Variants in RUBCN observed in about 807,000 individuals in gnomAD.
The protein encoded by RUBCN is rubicon autophagy regulator.
Under a neutral mutation model 113.2 loss-of-function variants are expected in RUBCN, and 74 were observed. The observed-to-expected ratio is 0.65, with a 90% CI of 0.54 to 0.79. The LOEUF is 0.79. Among genes scored for constraint, RUBCN ranks in the 30% least tolerant of loss-of-function variants. The pLI is 0.00. For missense variants in RUBCN, 1,109 were observed against 1,251.7 expected (o/e 0.89, Z 1.72); for synonymous variants, 480 against 490.0 (o/e 0.98, Z 0.27).
rs2108813474 is a variant in RUBCN, at chr3:197,669,423, T to C, written c.*5595A>G. 6.6e-6 allele frequency among the ~76,000 whole-genome samples: 1 copy of C among 152,342 alleles called. No individual in the cohort carries two copies. The highest frequency in any genetic ancestry group is 2.1e-4 in the South Asian group (1 of 4,830). On this transcript the variant is annotated 3_prime_UTR_variant, in exon 20 of 20. Coordinates refer to ENST00000296343, the MANE Select transcript of RUBCN (RefSeq NM_014687.4). ...ATTTTGAGTAGGGTCAAGTGTTTTGTAGAAAGTTCCTCGAATTTTGCTCCT... is the reference window on the plus strand; with the variant it reads ...ATTTTGAGTAGGGTCAAGTGTTTTGCAGAAAGTTCCTCGAATTTTGCTCCT...
At chr3:197,679,908 T>C (rs895822536) in intron 16 of RUBCN, among the ~76,000 whole-genome samples, 2 of 142,610 alleles carry the variant, frequency 1.4e-5, no homozygotes, top group Non-Finnish European at 3.0e-5. Flanking sequence ...GGCTTCAGAC[T>C]GTCCTACGCT....
At chr3:197,725,520 CTTTTTTTTTTT>C (rs10718685) in intron 1 of RUBCN, among the ~76,000 whole-genome samples, 1 of 75,316 alleles carries the variant, frequency 1.3e-5, no homozygotes, top group East Asian at 4.4e-4. Context: ...ACAGGAGAAT[CTTTTTTTTTTT>C]TTTTTTTTTT....
rs1466324937 is a variant in RUBCN, at chr3:197,714,559, ATT to A, written c.219+3416_219+3417del. On this transcript the variant is annotated intron_variant, in intron 2 of 19. Transcript: ENST00000296343. ...GCTGGTCTTGTATTCCTGGCCTCAAATTTCTAGTGATCTTCCTGCCTCAACTT... is the reference window on the plus strand; with the variant it reads ...GCTGGTCTTGTATTCCTGGCCTCAAATCTAGTGATCTTCCTGCCTCAACTT... Among the ~76,000 whole-genome samples, 3 of 152,130 alleles carry A rather than the reference ATT, an allele frequency of 2.0e-5. No homozygotes were observed. In the East Asian group the frequency reaches 5.8e-4, roughly 29 times the overall value.
In RUBCN at chr3:197,675,528, AAC is replaced by A. The variant is rs371279944; in HGVS notation, c.2647-15_2647-14del. The A allele has an allele frequency of 7.4e-4, 1,192 of 1,603,602 alleles. 8 individuals are homozygous for A. The African/African-American group carries it at 0.015, about 20-fold the overall frequency. ...TGGCTTGGCAGAGCTGGGGAGGAAA[AAC>A]ACAGATGGCAAAATGAGGAGCGGCA... On this transcript the variant is annotated splice_polypyrimidine_tract_variant and intron_variant, in intron 18 of 19. Transcript: ENST00000296343. This position sits in a 1 kb window ranked among gnomAD's most constrained non-coding sequence, Gnocchi z 4.4.
intron 1 of RUBCN, among the ~76,000 whole-genome samples, chr3:197,730,885 CTTTTTTTTTTTTTTT>C (rs71166707): frequency 3.4e-4 from 17 of 49,996 alleles, no homozygotes; most frequent in East Asian, 6.6e-4. Flanking sequence ...TTAAAAGCAT[CTTTTTTTTTTTTTTT>C]TTTTTTTTTT....
chr3:197,669,889 T>C lies in RUBCN; in HGVS notation c.*5129A>G, dbSNP rs1176189827. 6.6e-6 allele frequency among the ~76,000 whole-genome samples: 1 copy of C among 152,194 alleles called. No homozygotes were observed. Among genetic ancestry groups the C allele is most frequent in the Non-Finnish European group, 1.5e-5 (1 of 68,028 alleles). On this transcript the variant is annotated 3_prime_UTR_variant, in exon 20 of 20. Coordinates refer to ENST00000296343, the MANE Select transcript of RUBCN (RefSeq NM_014687.4). ...AGACTTTTTCCCCATGTTACTATCA[T>C]AATTTATTTTTTTGTTTGAGACAGA...
At chr3:197,729,284 G>C (rs971511181) in intron 1 of RUBCN, among the ~76,000 whole-genome samples, 10 of 151,824 alleles carry the variant, frequency 6.6e-5, no homozygotes, top group African/African-American at 1.5e-4. Context: ...ACGGAGTCTC[G>C]CTCTGTCGCC....
Position 197,736,726 on chromosome 3 carries a change from C to T in RUBCN, c.-7G>A. 2 of 1,530,140 alleles carry T rather than the reference C, an allele frequency of 1.3e-6. No homozygotes were observed. Among genetic ancestry groups the T allele is most frequent in the East Asian group, 2.5e-5 (1 of 40,510 alleles). 94.8% of individuals were successfully genotyped at this position (1,530,140 alleles called of 1,614,324 possible). A position where few individuals can be genotyped will look rare whatever the true frequency, so the allele number is the denominator to read the frequency against. ...CCGCGCCCTCCGGCCGCATCCGGGG[C>T]GGTGAGGCCGCCTCTTCGCCCAAGA... On this transcript the variant is annotated 5_prime_UTR_variant, in exon 1 of 20. Transcript: ENST00000296343.
At chr3:197,687,753 G>C (rs1722009631) in intron 11 of RUBCN, among the ~76,000 whole-genome samples, 1 of 152,158 alleles carries the variant, frequency 6.6e-6, no homozygotes, top group Admixed American at 6.5e-5. Context: ...AGTACCCTTG[G>C]GTTCTGAGAT....
intron 6 of RUBCN, among the ~76,000 whole-genome samples, chr3:197,701,440 A>G (rs1202733768): frequency 1.3e-5 from 2 of 152,224 alleles, no homozygotes; most frequent in Non-Finnish European, 2.9e-5. Flanking sequence ...ATGATTGGCA[A>G]TCATTCGGTG....
intron 1 of RUBCN, among the ~76,000 whole-genome samples, chr3:197,718,639 TG>T (rs1206616043): frequency 6.6e-6 from 1 of 152,038 alleles, no homozygotes; most frequent in Non-Finnish European, 1.5e-5. Context: ...TTTGTAGAGA[TG>T]GGGTCTCACT....
At chr3:197,693,517 A>G (rs1722665089) in intron 11 of RUBCN, among the ~76,000 whole-genome samples, 198 bp downstream of exon 11, 1 of 152,176 alleles carries the variant, frequency 6.6e-6, no homozygotes, top group African/African-American at 2.4e-5. Flanking sequence ...CACTCCATCC[A>G]CCTGGAACAC....
At position 197,681,290 on chromosome 3, in the gene RUBCN, C is replaced by T. The variant is rs538582364; in HGVS notation, c.2269G>A (p.Ala757Thr). The T allele has an allele frequency of 1.0e-4, 168 of 1,614,192 alleles. 3 individuals are homozygous for T. In the South Asian group the frequency reaches 1.7e-3, roughly 17 times the overall value. ...TTGCGCAGAACCCGGCTGGGGATGG[C>T]CATCTGGGCATTCTCGTGGCAGCAC... ...CQCCHENAQM[A>T]IPSRVLRKWD... is the part of the protein sequence containing the mutation. The change falls in exon 16 of 20, where the codon GCC (alanine) becomes ACC (threonine). Residue 757 changes from alanine to threonine, a missense_variant. Coordinates refer to ENST00000296343, the MANE Select transcript of RUBCN (RefSeq NM_014687.4). The surrounding 1 kb of genome is among the most constrained non-coding windows in gnomAD (Gnocchi z 5.5).
Position 197,718,094 on chromosome 3 carries a change from C to T in RUBCN, c.102G>A (p.Thr34=), listed in dbSNP as rs751332507. Reference sequence around the variant, plus strand: ...TGGTTGATACCAAACCCTCCACCGTCGTCTTCAAATTACCCAGCAACTGCC... The same window carrying T: ...TGGTTGATACCAAACCCTCCACCGTTGTCTTCAAATTACCCAGCAACTGCC... ...EHWQLLGNLK[T]TVEGLVSTNS... The change falls in exon 2 of 20, where the codon ACG becomes ACA. Residue 34 remains threonine, a synonymous_variant. Transcript: ENST00000296343. 9 of 1,614,116 alleles carry T rather than the reference C, an allele frequency of 5.6e-6. No individual in the cohort carries two copies. In the East Asian group the frequency reaches 6.7e-5, roughly 12 times the overall value.
At chr3:197,736,610 C>A in intron 1 of RUBCN, 45 bp downstream of exon 1, 1 of 1,529,162 alleles carries the variant, frequency 6.5e-7, no homozygotes, top group Non-Finnish European at 8.7e-7. Context: ...TCCCGGGGCT[C>A]CGGCGCCTGT....
intron 2 of RUBCN, among the ~76,000 whole-genome samples, chr3:197,712,811 G>A (rs1725102747): frequency 6.6e-6 from 1 of 151,754 alleles, no homozygotes; most frequent in Admixed American, 6.6e-5. Flanking sequence ...ATGATCATAT[G>A]CTTTGATATT....
At chr3:197,694,711 A>G (rs1722816159) in intron 9 of RUBCN, 126 bp from the exon 10 acceptor site, 2 of 815,878 alleles carry the variant, frequency 2.5e-6, no homozygotes, top group Non-Finnish European at 4.2e-6. Flanking sequence ...GGAGAAATGG[A>G]CATTTCTACT....
chr3:197,700,539 G>T, intron 7 of RUBCN, 74 bp downstream of exon 7: 1 of 1,450,686 alleles, frequency 6.9e-7, no homozygotes, highest in Non-Finnish European at 9.7e-7. Context: ...CACCTGAAAA[G>T]TCCCCATAAC....
In RUBCN at chr3:197,700,645, G is replaced by C; in HGVS notation, c.1229C>G (p.Ser410Trp). ...TCCCCTGGAGGCAATGCTGGTATCC[G>C]AATGGGAGCGAATGTGGCTTTTCTT... ...GAKKSHIRSHSDTSIASRGAP... is the reference protein window; with the variant it reads ...GAKKSHIRSHWDTSIASRGAP... Residue 410 changes from serine (S) to tryptophan (W), a missense_variant, in exon 7 of 20, where the codon TCG (serine) becomes TGG (tryptophan). By Grantham distance (177) the Ser-to-Trp change is radical. Around this residue, in one of 3 missense-constraint regions of RUBCN, gnomAD observed 736 missense variants for 779.6 expected, o/e 0.94. Transcript: ENST00000296343. 1 of 1,614,080 alleles carries C rather than the reference G, an allele frequency of 6.2e-7. No individual in the cohort carries two copies. The highest frequency in any genetic ancestry group is 8.5e-7 in the Non-Finnish European group (1 of 1,179,998).
Sources: gnomAD v4.1 joint callset for allele counts (sites outside exome capture counted in the v4.1 genomes callset) on GRCh38, gnomAD v4.1.1 for gene constraint, gnomAD v4.1.1 regional missense constraint, Gnocchi (gnomAD v3.1) non-coding constraint, MANE v1.5 for transcripts, NCBI Gene and HGNC (gene_info 2026-07-23, HGNC 2026-07-21) for gene names.